Variants in CHCHD6 observed in about 807,000 individuals in gnomAD.
CHCHD6 encodes the protein MICOS complex subunit MIC25.
CHCHD6 carries 28 observed loss-of-function variants against 32.3 expected under a neutral mutation model. The ratio of observed to expected loss-of-function variants is 0.87; its 90% CI spans 0.64 to 1.19. The LOEUF (loss-of-function observed/expected upper bound fraction) is 1.19, where lower values mean the gene tolerates loss of function less well. Ranked by LOEUF, CHCHD6 falls within the 50% of genes most tolerant of loss-of-function variation. CHCHD6 has a pLI of 0.00. For synonymous variants in CHCHD6, 122 were observed against 117.5 expected, an observed-to-expected ratio of 1.04 and a Z score of -0.25; for missense variants, 333 against 307.0, an observed-to-expected ratio of 1.08 and a Z score of -0.63.
At chr3:126,852,879 A>G (rs1253530243) in intron 5 of CHCHD6, 149 bp downstream of exon 5, 10 of 603,644 alleles carry the variant, frequency 1.7e-5, no homozygotes, top group Non-Finnish European at 2.7e-5. Flanking sequence ...GCCCTCCTGC[A>G]TTCTGCAGCA....
At chr3:126,868,516 A>C (rs1189938383) in intron 5 of CHCHD6, among the ~76,000 whole-genome samples, 2 of 152,184 alleles carry the variant, frequency 1.3e-5, no homozygotes, top group Non-Finnish European at 1.5e-5. Flanking sequence ...CAAACAATGC[A>C]GATAATCCCA....
At chr3:126,828,588 C>T (rs926143725) in intron 4 of CHCHD6, among the ~76,000 whole-genome samples, 2 of 152,314 alleles carry the variant, frequency 1.3e-5, no homozygotes, top group African/African-American at 4.8e-5. Flanking sequence ...GACAGGACAC[C>T]AGTGGTTTAT....
At chr3:126,830,376 G>T (rs1940589426) in intron 4 of CHCHD6, among the ~76,000 whole-genome samples, 1 of 152,166 alleles carries the variant, frequency 6.6e-6, no homozygotes, top group South Asian at 2.1e-4. Flanking sequence ...AGGGTTGCAG[G>T]CATTTTTAGC....
rs535338047 is a variant in CHCHD6, at chr3:126,957,078, C to T, written c.567-338C>T. 232 of 387,542 alleles carry T rather than the reference C, an allele frequency of 6.0e-4. 6 individuals carry two copies. In the South Asian group the frequency reaches 6.2e-3, roughly 10 times the overall value. 24.0% of individuals were successfully genotyped at this position (387,542 alleles called of 1,614,324 possible). ...GGCGGGTTGTCCTGGAGGCGGGCTG[C>T]ACCATCCTCATGGGGGCCCTCCAGT... On this transcript the variant is annotated intron_variant, in intron 6 of 7. Transcript: ENST00000290913.
chr3:126,776,750 G>C (rs184018589), intron 4 of CHCHD6, among the ~76,000 whole-genome samples: 1 of 152,070 alleles, frequency 6.6e-6, no homozygotes, highest in Non-Finnish European at 1.5e-5. Flanking sequence ...TTGAATTAGG[G>C]ATACATTTTA....
At chr3:126,860,112 A>C (rs998278913) in intron 5 of CHCHD6, among the ~76,000 whole-genome samples, 4 of 152,084 alleles carry the variant, frequency 2.6e-5, no homozygotes, top group African/African-American at 9.7e-5. Context: ...CAGAGTCTGC[A>C]CCAGAGATTC....
chr3:126,768,381 C>T (rs1332140456), intron 4 of CHCHD6, among the ~76,000 whole-genome samples: 2 of 152,294 alleles, frequency 1.3e-5, no homozygotes, highest in South Asian at 4.1e-4. Context: ...ACTATGCTTC[C>T]TGTACAGCCA....
intron 5 of CHCHD6, among the ~76,000 whole-genome samples, chr3:126,881,930 A>G (rs981389358): frequency 6.6e-6 from 1 of 152,228 alleles, no homozygotes; most frequent in Admixed American, 6.5e-5. Flanking sequence ...TGCAGTTTAC[A>G]TAGCACCTTC....
chr3:126,869,529 G>A (rs1184421494), intron 5 of CHCHD6, among the ~76,000 whole-genome samples: 3 of 151,786 alleles, frequency 2.0e-5, no homozygotes, highest in East Asian at 1.9e-4. Context: ...TTATTGATAC[G>A]GCTGAGCATC....
intron 5 of CHCHD6, among the ~76,000 whole-genome samples, chr3:126,863,339 T>C (rs1046071440): frequency 6.2e-3 from 159 of 25,612 alleles, no homozygotes; most frequent in Admixed American, 8.9e-3. Flanking sequence ...TCCTCCTCCA[T>C]CACCTCCTCC....
At chr3:126,841,984 C>T (rs1041031986) in intron 4 of CHCHD6, among the ~76,000 whole-genome samples, 1 of 152,012 alleles carries the variant, frequency 6.6e-6, no homozygotes, top group Non-Finnish European at 1.5e-5. Context: ...CGTAATGGCT[C>T]ACACTTGTAA....
intron 4 of CHCHD6, chr3:126,766,987 G>T (rs1937397108): frequency 3.4e-6 from 3 of 887,874 alleles, no homozygotes; most frequent in Non-Finnish European, 3.7e-6. Context: ...AGCGCCACAG[G>T]CTACGTCTCA....
intron 6 of CHCHD6, among the ~76,000 whole-genome samples, chr3:126,946,328 A>G (rs2078638438): frequency 6.6e-6 from 1 of 152,164 alleles, no homozygotes; most frequent in Non-Finnish European, 1.5e-5. Flanking sequence ...GAAAGTGTGC[A>G]TTCTTTATTT....
chr3:126,925,320 C>A (rs774532341), intron 6 of CHCHD6, among the ~76,000 whole-genome samples: 6 of 152,112 alleles, frequency 3.9e-5, no homozygotes, highest in Non-Finnish European at 1.5e-5. Flanking sequence ...AGAAGGCTGA[C>A]CAGAGGGTGG....
chr3:126,896,103 G>T (rs2077834611), intron 5 of CHCHD6, among the ~76,000 whole-genome samples: 1 of 152,124 alleles, frequency 6.6e-6, no homozygotes, highest in Non-Finnish European at 1.5e-5. Flanking sequence ...TGGAATGTCA[G>T]TTTTACATGA....
In CHCHD6 at chr3:126,740,393, T is replaced by C. The variant is rs1225093091; in HGVS notation, c.411+7171T>C. ...GTGGAGGGAAGGTGTCTCATTCAGT[T>C]CTCCTGCTTTATCTTTAAGAAAATA... is the stretch of plus-strand genomic sequence containing the variant. On this transcript the variant is annotated intron_variant, in intron 4 of 7. Transcript: ENST00000290913. 2.0e-5 allele frequency among the ~76,000 whole-genome samples: 3 copies of C among 152,132 alleles called. No individual in the cohort carries two copies. In the East Asian group the frequency reaches 5.8e-4, roughly 29 times the overall value.
chr3:126,800,803 C>A (rs1032571368), intron 4 of CHCHD6, among the ~76,000 whole-genome samples: 3 of 152,176 alleles, frequency 2.0e-5, no homozygotes, highest in Non-Finnish European at 4.4e-5. Context: ...CAGGCTTAAC[C>A]ACAGCCCTAC....
chr3:126,710,511 T>C (rs1934700893), intron 1 of CHCHD6, among the ~76,000 whole-genome samples: 1 of 152,238 alleles, frequency 6.6e-6, no homozygotes. Flanking sequence ...GTTGACTCTA[T>C]AGATTACTTT....
rs78548105 is a variant in CHCHD6, at chr3:126,879,704, C to A, written c.495+26974C>A. On this transcript the variant is annotated intron_variant, in intron 5 of 7. Transcript: ENST00000290913. ...GGTAATTGGAAAAATCAGATATAGA[C>A]TATATTAGAAGAGCATTGTGCTGAT... Among the ~76,000 whole-genome samples the A allele has an allele frequency of 4.0e-3, 614 of 152,280 alleles. 5 individuals carry two copies. The highest frequency in any genetic ancestry group is 0.014 in the African/African-American group (588 of 41,534).
Sources: allele counts gnomAD v4.1 joint callset (sites outside exome capture counted in the v4.1 genomes callset), GRCh38; gene constraint gnomAD v4.1.1; transcripts MANE v1.5; gene names NCBI Gene and HGNC (gene_info 2026-07-23, HGNC 2026-07-21).